The following OR10K2 variants were observed in gnomAD, a reference collection of about 807,000 sequenced individuals.
The protein encoded by OR10K2 is olfactory receptor family 10 subfamily K member 2.
For missense variants in OR10K2, 401 were observed against 367.1 expected, an observed-to-expected ratio of 1.09 and a Z score of -0.76; for synonymous variants, 169 against 146.4, an observed-to-expected ratio of 1.15 and a Z score of -1.11.
At chr1:158,422,197 C>G (rs1393878694) in intron 1 of OR10K2, among the ~76,000 whole-genome samples, 1 of 152,012 alleles carries the variant, frequency 6.6e-6, no homozygotes, top group Non-Finnish European at 1.5e-5. Context: ...CCTGAGTTCT[C>G]CTCTGCATCT....
At position 158,420,004 on chromosome 1, in the gene OR10K2, A is replaced by G. The variant is rs1258049206; in HGVS notation, c.863T>C (p.Met288Thr). The G allele has an allele frequency of 1.2e-5, 20 of 1,613,354 alleles. No homozygotes were observed. Among genetic ancestry groups the G allele is most frequent in the Non-Finnish European group, 1.7e-5 (20 of 1,179,478 alleles). Residue 288 changes from methionine (M) to threonine (T), a missense_variant, in exon 2 of 2, where the codon ATG (methionine) becomes ACG (threonine). Met to Thr is a moderately conservative substitution (Grantham distance 81). Transcript: ENST00000641042. The part of the protein sequence containing the change: ...YTIITPLFNP[M>T]IYSLRNKEFK... ...CTCTTTATTTCTCAAGCTATAAATC[A>G]TTGGGTTGAACAATGGAGTTATAAT... is the stretch of plus-strand genomic sequence containing the variant.
At chr1:158,422,045 C>T (rs1655166900) in intron 1 of OR10K2, among the ~76,000 whole-genome samples, 1 of 152,080 alleles carries the variant, frequency 6.6e-6, no homozygotes, top group Non-Finnish European at 1.5e-5. Flanking sequence ...GTTTCTTCCT[C>T]AGAACTCACA....
chr1:158,420,520 G>A lies in OR10K2; in HGVS notation c.347C>T (p.Ala116Val). 6.2e-7 allele frequency: 1 copy of A among 1,613,826 alleles called. No homozygotes were observed. The highest frequency in any genetic ancestry group is 8.5e-7 in the Non-Finnish European group (1 of 1,179,870). The change falls in exon 2 of 2, where the codon GCA becomes GTA. Residue 116 changes from alanine (A) to valine (V), a missense_variant. Physicochemically the swap from Ala to Val is moderately conservative, Grantham distance 64. Transcript: ENST00000641042. ...TATGTAACGATCATAACCCATGACT[G>A]CCAGCAGAAAGGAGTGAGAGCAGCC... ...FLGCSHSFLL[A>V]VMGYDRYIAI...
At chr1:158,424,759 T>TGTGTGTGTGTGTGGG in intron 1 of OR10K2, among the ~76,000 whole-genome samples, 1 of 69,542 alleles carries the variant, frequency 1.4e-5, no homozygotes, top group South Asian at 4.1e-4. Context: ...GTGTGTGTGG[T>TGTGTGTGTGTGTGGG]GAGAAAGGGA....
intron 1 of OR10K2, 136 bp downstream of exon 1, chr1:158,425,797 A>T (rs1486779976): frequency 6.6e-6 from 1 of 152,088 alleles, no homozygotes. Flanking sequence ...TAAAATTTAT[A>T]TGCACAATTT....
chr1:158,420,684 G>A lies in OR10K2; in HGVS notation c.183C>T (p.Phe61=), dbSNP rs553501894. 387 of 1,613,942 alleles carry A rather than the reference G, an allele frequency of 2.4e-4. 3 individuals carry two copies. The South Asian group carries it at 3.8e-3, about 16-fold the overall frequency. ...LDRALHIPMY[F]FLAILSCSEI... ...CAGAGCAAGAGAGGATGGCAAGGAA[G>A]AAGTACATGGGGATATGAAGGGCCC... Residue 61 remains phenylalanine, a synonymous_variant, in exon 2 of 2, where the codon TTC becomes TTT. Coordinates refer to ENST00000641042, the MANE Select transcript of OR10K2 (RefSeq NM_001004476.2).
At position 158,419,791 on chromosome 1, in the gene OR10K2, T is replaced by C; in HGVS notation, c.*137A>G. 1 of 649,154 alleles carries C rather than the reference T, an allele frequency of 1.5e-6. No individual in the cohort carries two copies. Among genetic ancestry groups the C allele is most frequent in the Non-Finnish European group, 2.7e-6 (1 of 373,116 alleles). The allele number at this position is 649,154 out of a possible 1,614,324, so 40.2% of individuals were successfully genotyped here. On this transcript the variant is annotated 3_prime_UTR_variant, in exon 2 of 2. Transcript: ENST00000641042. ...GCATCCGGTTAATTTGTATATTTTT[T>C]GGTAGAGATAGGATTTCACTATGTT... is the stretch of plus-strand genomic sequence containing the variant.
At position 158,422,425 on chromosome 1, in the gene OR10K2, A is replaced by C. The variant is rs1289652532; in HGVS notation, c.-61-1498T>G. 6.6e-5 allele frequency among the ~76,000 whole-genome samples: 10 copies of C among 152,090 alleles called. No homozygotes were observed. The East Asian group carries it at 1.9e-3, about 29-fold the overall frequency. ...CACCACATAAAACTAAGTCTGGCCC[A>C]TTTAAATCTGAAAGAGAAATCTCTG... is the stretch of plus-strand genomic sequence containing the variant. On this transcript the variant is annotated intron_variant, in intron 1 of 1. Coordinates refer to ENST00000641042, the MANE Select transcript of OR10K2 (RefSeq NM_001004476.2).
Position 158,420,229 on chromosome 1 carries a change from A to C in OR10K2, c.638T>G (p.Leu213Trp), listed in dbSNP as rs145283464. The C allele has an allele frequency of 8.7e-5, 141 of 1,613,706 alleles. No homozygotes were observed. The highest frequency in any genetic ancestry group is 1.2e-4 in the Non-Finnish European group (137 of 1,179,824). ...GATGTGAACATAGGACACCAAGATCAACAATAAGGGGATAGCCAGGACCAA... is the reference window on the plus strand; with the variant it reads ...GATGTGAACATAGGACACCAAGATCCACAATAAGGGGATAGCCAGGACCAA... ...CTLVLAIPLL[L>W]ILVSYVHILS... Residue 213 changes from leucine (L) to tryptophan (W), a missense_variant, in exon 2 of 2, where the codon TTG becomes TGG. Coordinates refer to ENST00000641042, the MANE Select transcript of OR10K2 (RefSeq NM_001004476.2).
Position 158,420,447 on chromosome 1 carries a change from C to T in OR10K2, c.420G>A (p.Val140=), listed in dbSNP as rs189343001. The change falls in exon 2 of 2, where the codon GTG becomes GTA. Residue 140 remains valine (V), a synonymous_variant. Transcript: ENST00000641042. The stretch of plus-strand genomic sequence containing the variant: ...AGGCAGCAGCCACTAGTCCCATACA[C>T]ACCCCATGTCCCATTAGCACTGAGT... ...LRYSVLMGHG[V]CMGLVAAACA... 1.1e-5 allele frequency: 18 copies of T among 1,613,944 alleles called. No individual in the cohort carries two copies. Among genetic ancestry groups the T allele is most frequent in the Admixed American group, 1.0e-4 (6 of 59,944 alleles).
Position 158,420,071 on chromosome 1 carries a change from A to G in OR10K2, c.796T>C (p.Tyr266His). The G allele has an allele frequency of 6.2e-7, 1 of 1,613,754 alleles. No individual in the cohort carries two copies. Among genetic ancestry groups the G allele is most frequent in the South Asian group, 1.1e-5 (1 of 91,068 alleles). The change falls in exon 2 of 2, where the codon TAC becomes CAC. Residue 266 changes from tyrosine (Y) to histidine (H), a missense_variant. Tyr to His is a moderately conservative substitution (Grantham distance 83). Transcript: ENST00000641042. Reference sequence around the variant, plus strand: ...ATTAGAGCATCCTGGCTTGAGGAGTAGTTGGACTGAGGCCTTAAGTAGATA... The same window carrying G: ...ATTAGAGCATCCTGGCTTGAGGAGTGGTTGGACTGAGGCCTTAAGTAGATA... ...SFIYLRPQSN[Y>H]SSSQDALISV...
intron 1 of OR10K2, among the ~76,000 whole-genome samples, chr1:158,423,169 T>A (rs1655190822): frequency 6.6e-6 from 1 of 151,626 alleles, no homozygotes; most frequent in South Asian, 2.1e-4. Flanking sequence ...CTCAACCCCA[T>A]GAAAGGGGCA....
Position 158,420,700 on chromosome 1 carries a change from T to C in OR10K2, c.167A>G (p.His56Arg), listed in dbSNP as rs774979015. 2 of 1,613,664 alleles carry C rather than the reference T, an allele frequency of 1.2e-6. No individual in the cohort carries two copies. Among genetic ancestry groups the C allele is most frequent in the Non-Finnish European group, 1.7e-6 (2 of 1,179,882 alleles). ...ISTIVLDRAL[H>R]IPMYFFLAIL... ...GGCAAGGAAGAAGTACATGGGGATA[T>C]GAAGGGCCCTGTCCAGGACAATGGT... The change falls in exon 2 of 2, where the codon CAT (histidine) becomes CGT (arginine). Residue 56 changes from histidine to arginine, a missense_variant. Transcript: ENST00000641042.
chr1:158,421,259 A>G (rs1329999266), intron 1 of OR10K2, among the ~76,000 whole-genome samples: 1 of 152,022 alleles, frequency 6.6e-6, no homozygotes. Context: ...AATCTTTCCT[A>G]CAGTTGCAAA....
chr1:158,424,119 A>G (rs1202999215), intron 1 of OR10K2, among the ~76,000 whole-genome samples: 1 of 152,030 alleles, frequency 6.6e-6, no homozygotes, highest in African/African-American at 2.4e-5. Context: ...TTTGAATTTC[A>G]CCTGTAAGAA....
intron 1 of OR10K2, among the ~76,000 whole-genome samples, chr1:158,424,578 G>A (rs2101648970): frequency 6.6e-6 from 1 of 152,038 alleles, no homozygotes; most frequent in Admixed American, 6.6e-5. Context: ...TGAAAATACT[G>A]TTACATATAT....
At position 158,420,836 on chromosome 1, in the gene OR10K2, C is replaced by G. The variant is rs1655140952; in HGVS notation, c.31G>C (p.Glu11Gln). Residue 11 changes from glutamate to glutamine, a missense_variant, in exon 2 of 2, where the codon GAG becomes CAG. Transcript: ENST00000641042. ...GATGAGAAGCCGAGGAAGATGACCT[C>G]TCTCACCACAGTCTCATTGACCCGC... MERVNETVVR[E>Q]VIFLGFSSLA... The G allele has an allele frequency of 1.9e-6, 3 of 1,613,438 alleles. No homozygotes were observed. The highest frequency in any genetic ancestry group is 3.3e-5 in the Admixed American group (2 of 59,866).
chr1:158,421,154 G>A (rs1362427551), intron 1 of OR10K2, among the ~76,000 whole-genome samples: 1 of 151,980 alleles, frequency 6.6e-6, no homozygotes, highest in African/African-American at 2.4e-5. Flanking sequence ...TTCCCATCAT[G>A]AGGCTGTTGC....
rs749845617 is a variant in OR10K2, at chr1:158,419,390, A to G, written c.*538T>C. 1 of 153,506 alleles carries G rather than the reference A, an allele frequency of 6.5e-6. No individual in the cohort carries two copies. Among genetic ancestry groups the G allele is most frequent in the East Asian group, 1.9e-4 (1 of 5,148 alleles). 9.5% of individuals were successfully genotyped at this position (153,506 alleles called of 1,614,324 possible). A position where few individuals can be genotyped will look rare whatever the true frequency, so the allele number is the denominator to read the frequency against. On this transcript the variant is annotated 3_prime_UTR_variant, in exon 2 of 2. Transcript: ENST00000641042. ...CTGAACATACATATGCTTCCCCATA[A>G]TAGCCATCTGTTATTTTTTAATCAA...
Sources: allele counts gnomAD v4.1 joint callset (sites outside exome capture counted in the v4.1 genomes callset), GRCh38; gene constraint gnomAD v4.1.1; transcripts MANE v1.5; gene names NCBI Gene and HGNC (gene_info 2026-07-23, HGNC 2026-07-21).